Variants in PAX2 observed in about 807,000 individuals in gnomAD.
The protein encoded by PAX2 is paired box protein Pax-2.
In PAX2, 9 loss-of-function variants were observed where a neutral mutation model predicts 41.7. The observed-to-expected ratio is 0.22, with a 90% CI of 0.13 to 0.38. PAX2 has a LOEUF of 0.38. PAX2 is among the 10% of genes least tolerant of loss of function. The pLI, the probability that PAX2 is intolerant of heterozygous loss-of-function variation, is 1.00. For missense variants in PAX2, 418 were observed against 531.6 expected (o/e 0.79, Z 2.10); for synonymous variants, 221 against 212.7 (o/e 1.04, Z -0.34).
intron 7 of PAX2, among the ~76,000 whole-genome samples, chr10:100,821,141 G>A (rs1030141752): frequency 6.6e-6 from 1 of 152,166 alleles, no homozygotes; most frequent in Non-Finnish European, 1.5e-5. Context: ...CTGGGCAAAT[G>A]GTATGACAGT....
Position 100,767,020 on chromosome 10 carries a change from A to G in PAX2, c.411-12478A>G, listed in dbSNP as rs76454818. On this transcript the variant is annotated intron_variant, in intron 3 of 9. Transcript: ENST00000355243. ...TGTTACACAAAGTGCAGCCACCTCAATACAATACCACAAAACACCAAGTAA... is the reference window on the plus strand; with the variant it reads ...TGTTACACAAAGTGCAGCCACCTCAGTACAATACCACAAAACACCAAGTAA... 2.9e-3 allele frequency among the ~76,000 whole-genome samples: 441 copies of G among 152,362 alleles called. 1 individual carries two copies. Among genetic ancestry groups the G allele is most frequent in the African/African-American group, 9.8e-3 (406 of 41,586 alleles).
chr10:100,756,172 A>T (rs1244475174), intron 3 of PAX2, among the ~76,000 whole-genome samples: 1 of 151,830 alleles, frequency 6.6e-6, no homozygotes, highest in Non-Finnish European at 1.5e-5. Context: ...GATTAATCAC[A>T]CTCCATACCC....
At chr10:100,822,479 TG>T (rs1848406478) in intron 7 of PAX2, among the ~76,000 whole-genome samples, 1 of 152,280 alleles carries the variant, frequency 6.6e-6, no homozygotes, top group African/African-American at 2.4e-5. Flanking sequence ...AATCAACAAG[TG>T]TTTATTGAGC....
intron 3 of PAX2, among the ~76,000 whole-genome samples, chr10:100,757,149 G>A (rs1022694788): frequency 8.5e-5 from 13 of 152,178 alleles, no homozygotes; most frequent in Non-Finnish European, 1.6e-4. Flanking sequence ...TCTTCTGTGC[G>A]TGTGGATTTG....
intron 1 of PAX2, chr10:100,735,752 C>T: frequency 9.7e-7 from 1 of 1,036,100 alleles, no homozygotes; most frequent in Non-Finnish European, 1.2e-6. Context: ...GGCAGAGACC[C>T]GTCCGCGCCG....
intron 5 of PAX2, among the ~76,000 whole-genome samples, chr10:100,794,768 C>T (rs1847262715): frequency 6.6e-6 from 1 of 152,190 alleles, no homozygotes; most frequent in Non-Finnish European, 1.5e-5. Context: ...GACTCAAGCT[C>T]ATATTGAGTT....
chr10:100,759,489 G>A (rs554570903), intron 3 of PAX2, among the ~76,000 whole-genome samples: 15 of 152,286 alleles, frequency 9.8e-5, no homozygotes, highest in Admixed American at 9.8e-4. Flanking sequence ...CCAAAAGGGA[G>A]GGAGGCAGGC....
intron 7 of PAX2, among the ~76,000 whole-genome samples, chr10:100,811,246 C>T (rs755921229): frequency 6.6e-6 from 1 of 152,240 alleles, no homozygotes; most frequent in South Asian, 2.1e-4. Flanking sequence ...GCAGATTATG[C>T]TCATTCTTAA....
intron 1 of PAX2, 137 bp from the exon 2 acceptor site, chr10:100,749,609 C>T: frequency 4.8e-6 from 7 of 1,454,614 alleles, no homozygotes; most frequent in Non-Finnish European, 6.4e-6. Flanking sequence ...TGGAGGTCCA[C>T]CACCTTTCTT....
At chr10:100,742,017 GC>G (rs1282457969), upstream of PAX2, among the ~76,000 whole-genome samples, 2 of 152,172 alleles carry the variant, frequency 1.3e-5, no homozygotes, top group African/African-American at 4.8e-5. Context: ...TGCTCCCGCG[GC>G]CCCCTCCGTC....
At position 100,804,975 on chromosome 10, in the gene PAX2, C is replaced by A. The variant is rs1213850381; in HGVS notation, c.617-1455C>A. On this transcript the variant is annotated intron_variant, in intron 5 of 9. Coordinates refer to ENST00000355243, the MANE Select transcript of PAX2 (RefSeq NM_000278.5). Reference sequence around the variant, plus strand: ...TCTCTCTCCCTCTCTTTCTCTCTCTCCTTCTCTCTCTCTCTCTCTCTCCTT... The same window carrying A: ...TCTCTCTCCCTCTCTTTCTCTCTCTACTTCTCTCTCTCTCTCTCTCTCCTT... Among the ~76,000 whole-genome samples, 3 of 148,990 alleles carry A rather than the reference C, an allele frequency of 2.0e-5. No homozygotes were observed. The East Asian group carries it at 5.9e-4, about 30-fold the overall frequency.
At chr10:100,782,279 A>C in intron 5 of PAX2, among the ~76,000 whole-genome samples, 1 of 109,340 alleles carries the variant, frequency 9.1e-6, no homozygotes, top group Non-Finnish European at 2.4e-5. Flanking sequence ...CAATGAGCAT[A>C]AAGGGGTGAC....
chr10:100,744,139 T>A (rs1845059940), upstream of PAX2, among the ~76,000 whole-genome samples: 2 of 152,144 alleles, frequency 1.3e-5, no homozygotes, highest in Non-Finnish European at 2.9e-5. Flanking sequence ...CAGGTGCATC[T>A]CTCCCCATGG....
intron 3 of PAX2, among the ~76,000 whole-genome samples, chr10:100,754,163 G>T (rs996695727): frequency 1.2e-4 from 19 of 152,194 alleles, no homozygotes; most frequent in African/African-American, 4.6e-4. Context: ...AAAGGAAAAA[G>T]TCGTCTAGTT....
chr10:100,819,266 G>GGGTGGC (rs1848300967), intron 7 of PAX2, among the ~76,000 whole-genome samples: 1 of 148,286 alleles, frequency 6.7e-6, no homozygotes, highest in African/African-American at 2.5e-5. Flanking sequence ...AAAAGGGGGG[G>GGGTGGC]GAGTTTAAAA....
intron 3 of PAX2, among the ~76,000 whole-genome samples, chr10:100,752,406 G>A (rs1400185180): frequency 6.6e-6 from 1 of 152,194 alleles, no homozygotes; most frequent in African/African-American, 2.4e-5. Flanking sequence ...AGGAGGCTGG[G>A]GCAGCTTTGG....
intron 7 of PAX2, among the ~76,000 whole-genome samples, chr10:100,811,157 A>C (rs1178474892): frequency 6.6e-6 from 1 of 152,118 alleles, no homozygotes; most frequent in East Asian, 1.9e-4. Context: ...AGATGGGGAT[A>C]GGGGTAGGGA....
intron 5 of PAX2, 101 bp downstream of exon 5, chr10:100,781,466 T>C (rs1265241640): frequency 1.6e-6 from 2 of 1,244,340 alleles, no homozygotes; most frequent in Non-Finnish European, 2.4e-6. Context: ...TGCTGTGAGA[T>C]CAATTTTAGT....
At chr10:100,802,805 C>A (rs998291358) in intron 5 of PAX2, among the ~76,000 whole-genome samples, 2 of 152,132 alleles carry the variant, frequency 1.3e-5, no homozygotes, top group Non-Finnish European at 2.9e-5. Context: ...ATCACTCACG[C>A]GCTCTCCTTC....
Sources: allele counts gnomAD v4.1 joint callset (sites outside exome capture counted in the v4.1 genomes callset), GRCh38; gene constraint gnomAD v4.1.1; transcripts MANE v1.5; gene names NCBI Gene and HGNC (gene_info 2026-07-23, HGNC 2026-07-21).